The following ARHGAP24 variants were observed in gnomAD, a reference collection of about 807,000 sequenced individuals.
ARHGAP24 encodes rho GTPase-activating protein 24.
In ARHGAP24, 50 loss-of-function variants were observed where a neutral mutation model predicts 76.4. That is an observed-to-expected ratio of 0.65 (90% confidence interval 0.52 to 0.83). The LOEUF is 0.83. ARHGAP24 is among the 40% of genes least tolerant of loss of function. ARHGAP24 has a pLI of 0.00. For synonymous variants in ARHGAP24, 345 were observed against 323.3 expected, an observed-to-expected ratio of 1.07 and a Z score of -0.72; for missense variants, 930 against 914.2, an observed-to-expected ratio of 1.02 and a Z score of -0.22.
At chr4:85,831,574 C>A (rs1385029767) in intron 3 of ARHGAP24, among the ~76,000 whole-genome samples, 1 of 152,100 alleles carries the variant, frequency 6.6e-6, no homozygotes, top group Non-Finnish European at 1.5e-5. Flanking sequence ...TCAGAACACA[C>A]CAATGTGTTC....
intron 3 of ARHGAP24, among the ~76,000 whole-genome samples, chr4:85,878,764 T>A (rs993245102): frequency 6.6e-6 from 1 of 152,188 alleles, no homozygotes; most frequent in African/African-American, 2.4e-5. Context: ...CTCCTCCAGT[T>A]ATGTCCATTA....
At chr4:85,874,956 T>TTTATATATAAATATATTTTTATATAA (rs1732781282) in intron 3 of ARHGAP24, among the ~76,000 whole-genome samples, 1 of 121,368 alleles carries the variant, frequency 8.2e-6, no homozygotes, top group African/African-American at 3.3e-5. Flanking sequence ...TTTTATATAA[T>TTTATATATAAATATATTTTTATATAA]TTATATATAA....
intron 4 of ARHGAP24, among the ~76,000 whole-genome samples, chr4:85,941,125 G>A (rs892172367): frequency 2.6e-5 from 4 of 152,242 alleles, no homozygotes; most frequent in African/African-American, 9.6e-5. Context: ...TGGGAACAGT[G>A]GAGTCACATC....
chr4:85,808,586 C>G (rs1213455712), intron 3 of ARHGAP24, among the ~76,000 whole-genome samples: 2 of 152,176 alleles, frequency 1.3e-5, no homozygotes, highest in Non-Finnish European at 2.9e-5. Flanking sequence ...TACCTCCACT[C>G]TATCTCCTCT....
intron 3 of ARHGAP24, among the ~76,000 whole-genome samples, chr4:85,902,755 C>T (rs1734571811): frequency 6.6e-6 from 1 of 152,192 alleles, no homozygotes. Flanking sequence ...AGGTGCCCGC[C>T]ACTGCGCTCA....
At chr4:85,907,883 A>C (rs1734857876) in intron 3 of ARHGAP24, among the ~76,000 whole-genome samples, 1 of 152,164 alleles carries the variant, frequency 6.6e-6, no homozygotes, top group Non-Finnish European at 1.5e-5. Flanking sequence ...AGTTACTTGC[A>C]AGCAGTGAGC....
chr4:85,626,142 G>T (rs1201973229), intron 2 of ARHGAP24, among the ~76,000 whole-genome samples: 1 of 152,206 alleles, frequency 6.6e-6, no homozygotes, highest in Non-Finnish European at 1.5e-5. Flanking sequence ...TTGCTCATTA[G>T]TTGATGCAGT....
intron 1 of ARHGAP24, 129 bp from the exon 2 acceptor site, chr4:85,570,390 CTTT>C (rs1560536776): frequency 0.18 from 2,528 of 14,118 alleles, 1,137 homozygotes; most frequent in Middle Eastern, 0.33. Context: ...TTCTTTCTTT[CTTT>C]CTTTCTTTCT....
At chr4:85,560,647 C>T (rs12108232) in intron 1 of ARHGAP24, among the ~76,000 whole-genome samples, 90,089 of 152,070 alleles carry the variant, frequency 0.59, 27,857 homozygotes, top group Non-Finnish European at 0.68. Context: ...ACTTTATATT[C>T]GTGGCTGTTG....
At chr4:85,550,592 A>G (rs1428711372) in intron 1 of ARHGAP24, among the ~76,000 whole-genome samples, 1 of 152,044 alleles carries the variant, frequency 6.6e-6, no homozygotes, top group African/African-American at 2.4e-5. Context: ...GATGAATGCC[A>G]TTGGTAGTTT....
intron 3 of ARHGAP24, among the ~76,000 whole-genome samples, chr4:85,861,614 A>C (rs1422929334): frequency 6.6e-6 from 1 of 152,066 alleles, no homozygotes; most frequent in Non-Finnish European, 1.5e-5. Context: ...TATAAATGAC[A>C]TGTTCACCTC....
chr4:85,936,068 A>C (rs550614509), intron 4 of ARHGAP24, among the ~76,000 whole-genome samples: 6 of 152,248 alleles, frequency 3.9e-5, no homozygotes, highest in African/African-American at 1.4e-4. Flanking sequence ...TGATTTGCCC[A>C]TTTGCTATGG....
intron 9 of ARHGAP24, among the ~76,000 whole-genome samples, chr4:85,997,373 T>G (rs1469527797): frequency 3.8e-3 from 3 of 782 alleles, no homozygotes; most frequent in African/African-American, 0.019. Context: ...ATGATAGATA[T>G]AGATAGATAG....
chr4:85,726,164 G>A (rs62315327), intron 3 of ARHGAP24, among the ~76,000 whole-genome samples: 1,598 of 152,096 alleles, frequency 0.011, 12 homozygotes, highest in South Asian at 0.044. Context: ...AGTAAACCTG[G>A]CAGAGAAGTG....
At chr4:85,844,985 A>G (rs1458491355) in intron 3 of ARHGAP24, among the ~76,000 whole-genome samples, 1 of 152,240 alleles carries the variant, frequency 6.6e-6, no homozygotes, top group African/African-American at 2.4e-5. Flanking sequence ...GAGAGATATC[A>G]TTGACCGAGA....
In ARHGAP24 at chr4:85,988,610, AC is replaced by A. The variant is rs1278216377; in HGVS notation, c.929-5972del. 4.6e-5 allele frequency among the ~76,000 whole-genome samples: 7 copies of A among 151,526 alleles called. No individual in the cohort carries two copies. In the East Asian group the frequency reaches 5.8e-4, roughly 13 times the overall value. ...AAAATGGAATGTTATATAATAATAA[AC>A]TTTTTTTAAAAAAAAGGACATAAAA... On this transcript the variant is annotated intron_variant, in intron 8 of 9. Transcript: ENST00000395184.
At chr4:85,633,821 A>C (rs1230341859) in intron 2 of ARHGAP24, among the ~76,000 whole-genome samples, 1 of 151,912 alleles carries the variant, frequency 6.6e-6, no homozygotes, top group Non-Finnish European at 1.5e-5. Context: ...CTCTAAAGTT[A>C]AGTTCTGAGT....
At chr4:85,570,956 A>G (rs1016095939) in intron 2 of ARHGAP24, 5 of 437,042 alleles carry the variant, frequency 1.1e-5, no homozygotes, top group African/African-American at 9.9e-5. Context: ...TTACTAAGCC[A>G]GAGGAGAAGG....
At chr4:85,931,157 T>A in intron 4 of ARHGAP24, 1 of 1,060,378 alleles carries the variant, frequency 9.4e-7, no homozygotes, top group South Asian at 1.8e-5. Flanking sequence ...AGCTTAGGAC[T>A]GTACAAGAGT....
Sources: gnomAD v4.1 joint callset for allele counts (sites outside exome capture counted in the v4.1 genomes callset) on GRCh38, gnomAD v4.1.1 for gene constraint, MANE v1.5 for transcripts, NCBI Gene and HGNC (gene_info 2026-07-23, HGNC 2026-07-21) for gene names.